ZNF540: variants seen among roughly 807,000 people sequenced by gnomAD.
ZNF540 encodes CTD-3064H18.6.
Under a neutral mutation model 11.8 loss-of-function variants are expected in ZNF540, and 3 were observed. The ratio of observed to expected loss-of-function variants is 0.25; its 90% confidence interval spans 0.12 to 0.65. The LOEUF (loss-of-function observed/expected upper bound fraction) is 0.65. Ranked by LOEUF, ZNF540 falls within the 30% of genes least tolerant of loss-of-function variation. The pLI is 0.83. For synonymous variants in ZNF540, 247 were observed against 259.0 expected, an observed-to-expected ratio of 0.95 and a Z score of 0.45; for missense variants, 709 against 793.1, an observed-to-expected ratio of 0.89 and a Z score of 1.27.
chr19:37,612,349 T>C lies in ZNF540; in HGVS notation c.1069T>C (p.Cys357Arg), dbSNP rs1235038738. ...TCATACTGGTGTAAAACCCTACGAA[T>C]GTAAGGAATGTGGAAAGACCTTTAG... is the stretch of plus-strand genomic sequence containing the variant. ...KIHTGVKPYECKECGKTFRLS... is the reference protein window; with the variant it reads ...KIHTGVKPYERKECGKTFRLS... The change falls in exon 5 of 5, where the codon TGT becomes CGT. Residue 357 changes from cysteine to arginine, a missense_variant. Cys to Arg is a radical substitution (Grantham distance 180). Coordinates refer to ENST00000316433, the MANE Select transcript of ZNF540 (RefSeq NM_001172225.3). 4 of 1,614,088 alleles carry C rather than the reference T, an allele frequency of 2.5e-6. No homozygotes were observed. The Admixed American group carries it at 5.0e-5, about 20-fold the overall frequency.
intron 1 of ZNF540, among the ~76,000 whole-genome samples, chr19:37,554,441 G>A (rs567378079): frequency 7.0e-4 from 106 of 152,222 alleles, no homozygotes; most frequent in Non-Finnish European, 1.0e-3. Flanking sequence ...CTGCTAGCTT[G>A]CATAGATTCT....
At chr19:37,585,044 T>C (rs910848838) in intron 1 of ZNF540, 4 of 151,972 alleles carry the variant, frequency 2.6e-5, no homozygotes, top group Non-Finnish European at 4.4e-5. Flanking sequence ...AGAGTATGCA[T>C]CTGGCATGTT....
At chr19:37,590,693 T>G (rs893309145), upstream of ZNF540, among the ~76,000 whole-genome samples, 1 of 152,136 alleles carries the variant, frequency 6.6e-6, no homozygotes, top group African/African-American at 2.4e-5. Flanking sequence ...GGTAAATATG[T>G]AAGGACATAG....
At chr19:37,575,904 A>T (rs1268147245) in intron 1 of ZNF540, 1 of 152,210 alleles carries the variant, frequency 6.6e-6, no homozygotes, top group Non-Finnish European at 1.5e-5. Flanking sequence ...CATGACACAA[A>T]CATATACACA....
intron 1 of ZNF540, among the ~76,000 whole-genome samples, chr19:37,568,326 C>T (rs1038387096): frequency 3.3e-5 from 5 of 150,744 alleles, no homozygotes; most frequent in South Asian, 4.3e-4. Context: ...TACCCCCCCC[C>T]ACTTGCCATA....
intron 3 of ZNF540, among the ~76,000 whole-genome samples, chr19:37,600,516 A>G (rs2044030688): frequency 6.6e-6 from 1 of 152,208 alleles, no homozygotes; most frequent in Non-Finnish European, 1.5e-5. Context: ...AATAATAGCT[A>G]ATAGAGTGCT....
Position 37,612,200 on chromosome 19 carries a change from TTTTTCAACTTATTTTCTAC to T in ZNF540, c.924_942del (p.Phe308LeufsTer39). 6.2e-7 allele frequency: 1 copy of T among 1,612,168 alleles called. No individual in the cohort carries two copies. The highest frequency in any genetic ancestry group is 8.5e-7 in the Non-Finnish European group (1 of 1,179,684). ...TATGAATGTAAAGAATGTGGAAAAG[TTTTTCAACTTATTTTCTAC>T]TTTAAAGAACATGAGAGAATTCATA... On this transcript the variant is annotated frameshift_variant, in exon 5 of 5. Transcript: ENST00000316433. LOFTEE classifies it low-confidence loss of function (END_TRUNC).
chr19:37,553,271 T>A (rs1187611324), intron 1 of ZNF540, among the ~76,000 whole-genome samples: 1 of 151,342 alleles, frequency 6.6e-6, no homozygotes, highest in Non-Finnish European at 1.5e-5. Context: ...GTAGCTGGGT[T>A]ACAGGTGCCC....
chr19:37,580,404 A>G (rs1248297513), intron 1 of ZNF540, among the ~76,000 whole-genome samples: 2 of 152,198 alleles, frequency 1.3e-5, no homozygotes, highest in Non-Finnish European at 2.9e-5. Flanking sequence ...TCCATTTTGT[A>G]TTTGTAGGTG....
chr19:37,606,733 T>C (rs942364105), intron 4 of ZNF540, among the ~76,000 whole-genome samples: 1 of 152,190 alleles, frequency 6.6e-6, no homozygotes, highest in Non-Finnish European at 1.5e-5. Context: ...AAAATTAGGT[T>C]GTTTGTGTTA....
chr19:37,586,399 A>C, intron 1 of ZNF540: 1 of 481,928 alleles, frequency 2.1e-6, no homozygotes. Flanking sequence ...AAAAGGAGGT[A>C]TTTCTGTTCC....
At chr19:37,568,144 G>A (rs2042926750) in intron 1 of ZNF540, among the ~76,000 whole-genome samples, 1 of 152,152 alleles carries the variant, frequency 6.6e-6, no homozygotes. Context: ...CAGGCACAGG[G>A]TCTCTGACCA....
intron 4 of ZNF540, among the ~76,000 whole-genome samples, chr19:37,608,257 T>C (rs548022447): frequency 1.3e-5 from 2 of 152,342 alleles, no homozygotes; most frequent in South Asian, 4.1e-4. Context: ...TTTTCAGTGT[T>C]GGAAGTTTCT....
At chr19:37,564,122 G>A (rs75582798) in intron 1 of ZNF540, 6,297 of 152,320 alleles carry the variant, frequency 0.041, 201 homozygotes, top group Admixed American at 0.079. Context: ...AGTATCTGTT[G>A]TTCTAAAGGG....
chr19:37,612,998 A>G lies in ZNF540; in HGVS notation c.1718A>G (p.His573Arg). ...CAGTTCACTGAACATCAGAAAATTC[A>G]TACGGGTGTAAAACCATACAAATGT... The part of the protein sequence containing the change: ...RGQFTEHQKI[H>R]TGVKPYKCKE... The change falls in exon 5 of 5, where the codon CAT becomes CGT. Residue 573 changes from histidine to arginine, a missense_variant. His to Arg is a conservative substitution (Grantham distance 29). Transcript: ENST00000316433. 6.2e-7 allele frequency: 1 copy of G among 1,614,210 alleles called. No homozygotes were observed. Among genetic ancestry groups the G allele is most frequent in the Non-Finnish European group, 8.5e-7 (1 of 1,180,012 alleles).
intron 1 of ZNF540, among the ~76,000 whole-genome samples, chr19:37,559,721 T>C (rs894310431): frequency 8.5e-5 from 13 of 152,180 alleles, no homozygotes; most frequent in African/African-American, 2.7e-4. Context: ...TGAAAACTTA[T>C]TGGGAGAGAA....
chr19:37,584,250 T>C (rs1011791808), intron 1 of ZNF540: 7 of 923,368 alleles, frequency 7.6e-6, no homozygotes, highest in Non-Finnish European at 9.6e-6. Context: ...TTCTCTATCA[T>C]TCCTATTGCC....
At position 37,598,365 on chromosome 19, in the gene ZNF540, C is replaced by T; in HGVS notation, c.-72-11C>T. 4.7e-6 allele frequency: 7 copies of T among 1,481,420 alleles called. No homozygotes were observed. Among genetic ancestry groups the T allele is most frequent in the African/African-American group, 2.8e-5 (2 of 71,246 alleles). 91.8% of individuals were successfully genotyped at this position (1,481,420 alleles called of 1,614,324 possible). ...AGTCTCACTGTCTCATTTTTTTCTC[C>T]TCTAACTCAGGCTTCTCAGAACTTT... is the stretch of plus-strand genomic sequence containing the variant. On this transcript the variant is annotated splice_polypyrimidine_tract_variant and intron_variant, in intron 1 of 4. Coordinates refer to ENST00000316433, the MANE Select transcript of ZNF540 (RefSeq NM_001172225.3).
chr19:37,572,376 T>C (rs2043092540), intron 1 of ZNF540, among the ~76,000 whole-genome samples: 1 of 152,244 alleles, frequency 6.6e-6, no homozygotes, highest in South Asian at 2.1e-4. Context: ...TGTGCCATTC[T>C]GAATAGTATG....
Sources: gnomAD v4.1 joint callset for allele counts (sites outside exome capture counted in the v4.1 genomes callset) on GRCh38, gnomAD v4.1.1 for gene constraint, MANE v1.5 for transcripts, NCBI Gene and HGNC (gene_info 2026-07-23, HGNC 2026-07-21) for gene names.